The following CDH18 variants were observed in gnomAD, a reference collection of about 807,000 sequenced individuals.
The protein encoded by CDH18 is cadherin-18.
A neutral mutation model predicts 67.9 loss-of-function variants in CDH18; 31 were observed. That is an observed-to-expected ratio of 0.46 (90% CI 0.34 to 0.62). The LOEUF is 0.62. Ranked by LOEUF, CDH18 falls within the 20% of genes least tolerant of loss-of-function variation. The pLI is 0.01. For synonymous variants in CDH18, 362 were observed against 347.2 expected, an observed-to-expected ratio of 1.04 and a Z score of -0.48; for missense variants, 890 against 975.5, an observed-to-expected ratio of 0.91 and a Z score of 1.17.
At chr5:20,115,973 T>C (rs1747875190) in intron 2 of CDH18, among the ~76,000 whole-genome samples, 1 of 152,136 alleles carries the variant, frequency 6.6e-6, no homozygotes, top group African/African-American at 2.4e-5. Context: ...CAGTAAGTAT[T>C]AGGTTGGTGC....
chr5:19,571,717 A>T lies in CDH18; in HGVS notation c.1115T>A (p.Ile372Asn). 6.2e-7 allele frequency: 1 copy of T among 1,613,996 alleles called. No individual in the cohort carries two copies. The highest frequency in any genetic ancestry group is 8.5e-7 in the Non-Finnish European group (1 of 1,179,940). Residue 372 changes from isoleucine to asparagine, a missense_variant, in exon 8 of 13, where the codon ATC becomes AAC. Physicochemically the swap from Ile to Asn is moderately radical, Grantham distance 149. Coordinates refer to ENST00000382275, the MANE Select transcript of CDH18 (RefSeq NM_004934.5). ...TGGTTCATCTACATCCCCAACAATGATCTTCAGCATAGTAGCATCTTTAAA... is the reference window on the plus strand; with the variant it reads ...TGGTTCATCTACATCCCCAACAATGTTCTTCAGCATAGTAGCATCTTTAAA... ...GPFKDATMLK[I>N]IVGDVDEPPL... is the part of the protein sequence containing the mutation.
chr5:19,535,712 C>T (rs546556351), intron 9 of CDH18, among the ~76,000 whole-genome samples: 1 of 152,202 alleles, frequency 6.6e-6, no homozygotes, highest in Admixed American at 6.5e-5. Context: ...TTTGTGGACT[C>T]TTATGTCCAC....
intron 1 of CDH18, among the ~76,000 whole-genome samples, chr5:20,528,780 A>G (rs1756221427): frequency 6.6e-6 from 1 of 152,110 alleles, no homozygotes. Context: ...AAATGTCCAC[A>G]TGAAAAAGCT....
chr5:20,361,713 T>C (rs569439800), intron 1 of CDH18, among the ~76,000 whole-genome samples: 2 of 152,248 alleles, frequency 1.3e-5, no homozygotes, highest in East Asian at 1.9e-4. Context: ...TTCTTAATAC[T>C]GTATCTATAT....
At chr5:20,204,339 C>T (rs963022422) in intron 2 of CDH18, among the ~76,000 whole-genome samples, 2 of 151,244 alleles carry the variant, frequency 1.3e-5, no homozygotes, top group Non-Finnish European at 2.9e-5. Context: ...AGCAGAATGA[C>T]ATTTTAAAAA....
intron 1 of CDH18, among the ~76,000 whole-genome samples, chr5:20,265,409 T>G (rs1402961425): frequency 6.6e-6 from 1 of 152,078 alleles, no homozygotes; most frequent in African/African-American, 2.4e-5. Context: ...TTGGAATAAA[T>G]GTACAGTTTT....
At chr5:19,774,866 G>A (rs1467380711) in intron 3 of CDH18, among the ~76,000 whole-genome samples, 3 of 134,000 alleles carry the variant, frequency 2.2e-5, no homozygotes, top group Non-Finnish European at 4.6e-5. Flanking sequence ...GACTGCCATG[G>A]GAGAGTATAC....
chr5:20,226,815 A>C (rs903264814), intron 2 of CDH18, among the ~76,000 whole-genome samples: 7 of 152,032 alleles, frequency 4.6e-5, no homozygotes, highest in Admixed American at 3.9e-4. Context: ...AAGTGTCAGC[A>C]GAGGAGCAGA....
intron 1 of CDH18, among the ~76,000 whole-genome samples, chr5:20,280,177 T>C (rs1036184340): frequency 1.3e-5 from 2 of 151,328 alleles, no homozygotes; most frequent in African/African-American, 4.8e-5. Flanking sequence ...AAAAACTTTA[T>C]TTATTTATTT....
chr5:19,597,231 T>C (rs958874613), intron 6 of CDH18, among the ~76,000 whole-genome samples: 1 of 152,216 alleles, frequency 6.6e-6, no homozygotes, highest in African/African-American at 2.4e-5. Flanking sequence ...AGGTAAGCCT[T>C]TGGGCAAGAC....
chr5:19,630,914 T>C (rs1317873871), intron 5 of CDH18, among the ~76,000 whole-genome samples: 1 of 152,114 alleles, frequency 6.6e-6, no homozygotes, highest in Admixed American at 6.6e-5. Flanking sequence ...GAAGAAGGGC[T>C]AAATGAGGCA....
intron 11 of CDH18, among the ~76,000 whole-genome samples, chr5:19,497,712 T>C (rs1298964703): frequency 2.0e-5 from 3 of 152,210 alleles, no homozygotes; most frequent in Non-Finnish European, 4.4e-5. Context: ...GGAAATTAGC[T>C]ACCTTATGTA....
At chr5:20,401,895 G>C (rs1745801386) in intron 1 of CDH18, among the ~76,000 whole-genome samples, 1 of 151,974 alleles carries the variant, frequency 6.6e-6, no homozygotes, top group Non-Finnish European at 1.5e-5. Context: ...TTAATCCCTT[G>C]CTTGAAATTC....
chr5:20,412,969 C>A (rs113652313), intron 1 of CDH18, among the ~76,000 whole-genome samples: 1,728 of 152,134 alleles, frequency 0.011, 32 homozygotes, highest in African/African-American at 0.04. Context: ...CCAATCCCCG[C>A]ACCCCACGAC....
intron 2 of CDH18, among the ~76,000 whole-genome samples, chr5:20,207,836 T>A (rs951185026): frequency 6.6e-6 from 1 of 151,994 alleles, no homozygotes; most frequent in Non-Finnish European, 1.5e-5. Flanking sequence ...TATATATAAC[T>A]ACAAAGACCC....
intron 1 of CDH18, among the ~76,000 whole-genome samples, chr5:20,564,057 G>A (rs1052186583): frequency 6.6e-6 from 1 of 151,826 alleles, no homozygotes; most frequent in Non-Finnish European, 1.5e-5. Flanking sequence ...AACCATCAAA[G>A]ACTTATTCAC....
chr5:20,319,397 C>A (rs1737783180), intron 1 of CDH18, among the ~76,000 whole-genome samples: 1 of 152,198 alleles, frequency 6.6e-6, no homozygotes, highest in African/African-American at 2.4e-5. Flanking sequence ...GGACACTTCT[C>A]ACACTTCAAA....
intron 2 of CDH18, among the ~76,000 whole-genome samples, chr5:19,955,414 G>A (rs745727018): frequency 1.3e-5 from 2 of 151,834 alleles, no homozygotes; most frequent in Non-Finnish European, 2.9e-5. Flanking sequence ...AAAAACACTG[G>A]GTATTTTAAC....
intron 8 of CDH18, among the ~76,000 whole-genome samples, chr5:19,568,890 T>A (rs114603025): frequency 0.015 from 2,335 of 152,316 alleles, 61 homozygotes; most frequent in African/African-American, 0.053. Flanking sequence ...CCAGACATTT[T>A]CAACTGTCCC....
Sources: gnomAD v4.1 joint callset for allele counts (sites outside exome capture counted in the v4.1 genomes callset) on GRCh38, gnomAD v4.1.1 for gene constraint, MANE v1.5 for transcripts, NCBI Gene and HGNC (gene_info 2026-07-23, HGNC 2026-07-21) for gene names.